The following NLRP3 variants were observed in gnomAD, a reference collection of about 807,000 sequenced individuals.
NLRP3 encodes the protein NACHT, LRR and PYD domains-containing protein 3.
In NLRP3, 48 loss-of-function variants were observed where a neutral mutation model predicts 91.3. That is an observed-to-expected ratio of 0.53 (90% CI 0.42 to 0.67). The LOEUF (loss-of-function observed/expected upper bound fraction) is 0.67. Among genes scored for constraint, NLRP3 ranks in the 30% least tolerant of loss-of-function variants. The pLI is 0.00. For synonymous variants in NLRP3, 561 were observed against 507.9 expected (o/e 1.10, Z -1.41); for missense variants, 982 against 1,276.9 (o/e 0.77, Z 3.52).
chr1:247,423,051 G>A (rs1421485451), intron 2 of NLRP3, among the ~76,000 whole-genome samples, 179 bp from the exon 3 acceptor site: 2 of 152,198 alleles, frequency 1.3e-5, no homozygotes, highest in Non-Finnish European at 2.9e-5. Context: ...GAAACTAGGA[G>A]TGCAGAAATG....
intron 8 of NLRP3, among the ~76,000 whole-genome samples, 172 bp from the exon 9 acceptor site, chr1:247,444,479 A>G (rs1021162088): frequency 1.3e-5 from 2 of 152,196 alleles, no homozygotes; most frequent in Non-Finnish European, 2.9e-5. Context: ...GGATTTGAAA[A>G]AGAGAGAGAA....
Position 247,418,560 on chromosome 1 carries a change from T to G in NLRP3, c.-241T>G. The G allele has an allele frequency of 1.2e-5, 6 of 510,450 alleles. No individual in the cohort carries two copies. Among genetic ancestry groups the G allele is most frequent in the South Asian group, 1.0e-4 (5 of 49,102 alleles). 31.6% of individuals were successfully genotyped at this position (510,450 alleles called of 1,614,324 possible). On this transcript the variant is annotated 5_prime_UTR_variant, in exon 2 of 10. Coordinates refer to ENST00000336119, the MANE Select transcript of NLRP3 (RefSeq NM_001243133.2). ...CAGGTGATCTGCCTGCCTTGGCCTC[T>G]CAAAGTGCTGGGATTACAGGCGTGA...
Position 247,425,602 on chromosome 1 carries a change from A to G in NLRP3, c.2150+3A>G, listed in dbSNP as rs1662816792. ...TCTCATGCTGCCTGTTCTCATGGGT[A>G]AGGAAACTCGGCTTCCAGGTGCTTC... On this transcript the variant is annotated splice_donor_region_variant and intron_variant, in intron 4 of 9. Coordinates refer to ENST00000336119, the MANE Select transcript of NLRP3 (RefSeq NM_001243133.2). This position sits in a 1 kb window ranked among gnomAD's most constrained non-coding sequence, Gnocchi z 4.1. The G allele has an allele frequency of 6.2e-7, 1 of 1,603,636 alleles. No individual in the cohort carries two copies. The highest frequency in any genetic ancestry group is 1.3e-5 in the African/African-American group (1 of 74,874).
chr1:247,425,808 A>G lies in NLRP3; in HGVS notation c.2150+209A>G, dbSNP rs1377150704. 3.4e-6 allele frequency: 2 copies of G among 592,866 alleles called. No individual in the cohort carries two copies. Among genetic ancestry groups the G allele is most frequent in the Non-Finnish European group, 6.0e-6 (2 of 333,090 alleles). The allele number at this position is 592,866 out of a possible 1,614,324, so 36.7% of individuals were successfully genotyped here. ...ATGGGATGAGGAAAAAAAAAATAAA[A>G]CAAGGAACAAATGTTTGGGGAATGC... On this transcript the variant is annotated intron_variant, in intron 4 of 9. Coordinates refer to ENST00000336119, the MANE Select transcript of NLRP3 (RefSeq NM_001243133.2). This position sits in a 1 kb window ranked among gnomAD's most constrained non-coding sequence, Gnocchi z 4.1.
Position 247,424,296 on chromosome 1 carries a change from C to A in NLRP3, c.847C>A (p.Pro283Thr). Residue 283 changes from proline (P) to threonine (T), a missense_variant, in exon 4 of 10, where the codon CCA (proline) becomes ACA (threonine). Physicochemically the swap from Pro to Thr is conservative, Grantham distance 38. Transcript: ENST00000336119. The surrounding 1 kb of genome is among the most constrained non-coding windows in gnomAD (Gnocchi z 8.1). ...CATGAGCTGCTGCCCCGACCCAAAC[C>A]CACCCATCCACAAGATCGTGAGAAA... is the stretch of plus-strand genomic sequence containing the variant. The part of the protein sequence containing the change: ...LIMSCCPDPN[P>T]PIHKIVRKPS... 1 of 1,614,042 alleles carries A rather than the reference C, an allele frequency of 6.2e-7. No homozygotes were observed. The highest frequency in any genetic ancestry group is 8.5e-7 in the Non-Finnish European group (1 of 1,179,970).
chr1:247,429,761 TC>T lies in NLRP3; in HGVS notation c.2321+10del. 6.2e-7 allele frequency: 1 copy of T among 1,613,204 alleles called. No homozygotes were observed. Among genetic ancestry groups the T allele is most frequent in the Non-Finnish European group, 8.5e-7 (1 of 1,179,940 alleles). On this transcript the variant is annotated splice_region_variant and intron_variant, in intron 5 of 9. Coordinates refer to ENST00000336119, the MANE Select transcript of NLRP3 (RefSeq NM_001243133.2). ...TGTAACATTCGGAGATTGTGGTGAG[TC>T]CCCGTGCATGTGATCTGTGTGAGTG... is the stretch of plus-strand genomic sequence containing the variant.
At chr1:247,441,905 T>C (rs1664267880) in intron 7 of NLRP3, among the ~76,000 whole-genome samples, 1 of 152,256 alleles carries the variant, frequency 6.6e-6, no homozygotes, top group African/African-American at 2.4e-5. Flanking sequence ...TTTTTGGAAA[T>C]AGTGGTAAAG....
rs202211595 is a variant in NLRP3, at chr1:247,438,339, C to G, written c.2663+2199C>G. On this transcript the variant is annotated intron_variant, in intron 7 of 9. Transcript: ENST00000336119. ...CTCCCTGGATCCTGCATTGGCTTCT[C>G]TTCCTGTGGTCTGGGGATTTCACGA... Among the ~76,000 whole-genome samples, 20 of 146,642 alleles carry G rather than the reference C, an allele frequency of 1.4e-4. No individual in the cohort carries two copies. The East Asian group carries it at 3.2e-3, about 24-fold the overall frequency.
At chr1:247,426,246 C>A (rs1370992343) in intron 4 of NLRP3, among the ~76,000 whole-genome samples, 4 of 152,078 alleles carry the variant, frequency 2.6e-5, no homozygotes, top group Admixed American at 2.0e-4. Context: ...ATGTGGAGAC[C>A]CTCTTTCTAG....
At chr1:247,438,997 C>T (rs1244029541) in intron 7 of NLRP3, among the ~76,000 whole-genome samples, 1 of 142,170 alleles carries the variant, frequency 7.0e-6, no homozygotes, top group African/African-American at 2.8e-5. Context: ...CATCATCCAT[C>T]CCTCTATTTT....
intron 3 of NLRP3, among the ~76,000 whole-genome samples, chr1:247,423,617 AT>A (rs1662629681): frequency 6.6e-6 from 1 of 152,104 alleles, no homozygotes; most frequent in Non-Finnish European, 1.5e-5. Flanking sequence ...ATTGATTCAA[AT>A]GATCTTTGGG....
intron 5 of NLRP3, among the ~76,000 whole-genome samples, chr1:247,430,961 G>A (rs973019224): frequency 2.0e-5 from 3 of 151,846 alleles, no homozygotes; most frequent in Admixed American, 6.6e-5. Flanking sequence ...TAGAGATGTG[G>A]TCTCATCACG....
At position 247,423,268 on chromosome 1, in the gene NLRP3, T is replaced by C. The variant is rs1211214074; in HGVS notation, c.316T>C (p.Cys106Arg). The change falls in exon 3 of 10, where the codon TGC becomes CGC. Residue 106 changes from cysteine to arginine, a missense_variant. Physicochemically the swap from Cys to Arg is radical, Grantham distance 180. This residue lies in a region of NLRP3 where 548 missense variants were observed against 713.7 expected (regional missense o/e 0.77). Coordinates refer to ENST00000336119, the MANE Select transcript of NLRP3 (RefSeq NM_001243133.2). ...ACGTGTTTCGAATCCCACTGTGATA[T>C]GCCAGGAAGACAGCATTGAAGAGGA... ...NARVSNPTVI[C>R]QEDSIEEEWM... 1.9e-6 allele frequency: 3 copies of C among 1,613,032 alleles called. No individual in the cohort carries two copies. Among genetic ancestry groups the C allele is most frequent in the African/African-American group, 1.3e-5 (1 of 75,006 alleles).
At chr1:247,443,447 T>A (rs1231770649) in intron 7 of NLRP3, among the ~76,000 whole-genome samples, 3 of 152,070 alleles carry the variant, frequency 2.0e-5, no homozygotes, top group African/African-American at 7.2e-5. Flanking sequence ...GCCGTGTTCC[T>A]GTCACAGCCC....
At chr1:247,447,226 C>G (rs532059331) in intron 9 of NLRP3, among the ~76,000 whole-genome samples, 1 of 152,286 alleles carries the variant, frequency 6.6e-6, no homozygotes, top group African/African-American at 2.4e-5. Context: ...CGAGAGTCCT[C>G]TTCCTGATTT....
At chr1:247,428,650 T>A (rs1663080208) in intron 4 of NLRP3, among the ~76,000 whole-genome samples, 1 of 73,010 alleles carries the variant, frequency 1.4e-5, no homozygotes, top group Non-Finnish European at 4.6e-5. Flanking sequence ...ACCTGGCTTT[T>A]TTTAAATAAA....
intron 9 of NLRP3, 114 bp from the exon 10 acceptor site, chr1:247,448,291 A>G: frequency 4.1e-6 from 1 of 243,270 alleles, no homozygotes; most frequent in South Asian, 5.4e-5. Context: ...TTTTTTTTTT[A>G]CATTTTAGAA....
At chr1:247,432,143 A>G (rs531973524) in intron 5 of NLRP3, among the ~76,000 whole-genome samples, 1 of 152,296 alleles carries the variant, frequency 6.6e-6, no homozygotes, top group East Asian at 1.9e-4. Context: ...TCGGCCTCCC[A>G]AAGTGCTGGG....
chr1:247,431,760 G>A (rs1056259750), intron 5 of NLRP3, among the ~76,000 whole-genome samples: 10 of 152,056 alleles, frequency 6.6e-5, no homozygotes, highest in Non-Finnish European at 8.8e-5. Context: ...TGTGCTGTTC[G>A]GTGGCTTAAA....
Sources: allele counts gnomAD v4.1 joint callset (sites outside exome capture counted in the v4.1 genomes callset), GRCh38; gene constraint gnomAD v4.1.1; regional missense constraint gnomAD v4.1.1; non-coding constraint Gnocchi (gnomAD v3.1); transcripts MANE v1.5; gene names NCBI Gene and HGNC (gene_info 2026-07-23, HGNC 2026-07-21).